Variants in ARHGAP4 observed in about 807,000 individuals in gnomAD.
The protein encoded by ARHGAP4 is rho GTPase-activating protein 4.
A neutral mutation model predicts 67.6 loss-of-function variants in ARHGAP4; 25 were observed. The observed-to-expected ratio is 0.37, with a 90% CI of 0.27 to 0.52. The LOEUF is 0.52. ARHGAP4 is among the 20% of genes least tolerant of loss of function. The pLI is 0.92. For missense variants in ARHGAP4, 804 were observed against 854.6 expected, an observed-to-expected ratio of 0.94 and a Z score of 0.74; for synonymous variants, 448 against 373.7, an observed-to-expected ratio of 1.20 and a Z score of -2.29.
chrX:153,914,688 C>T (rs1469900873), intron 7 of ARHGAP4, among the ~76,000 whole-genome samples: 1 of 111,673 alleles, frequency 9.0e-6, no homozygotes, highest in Non-Finnish European at 1.9e-5. Context: ...CAGAGCGAGA[C>T]GCCATCTCAA....
At chrX:153,919,495 G>A (rs782196271) in intron 5 of ARHGAP4, 49 of 1,125,254 alleles carry the variant, frequency 4.4e-5, no homozygotes, top group African/African-American at 5.4e-5. Flanking sequence ...CTGTTCACCC[G>A]CCACTTGCCT....
rs1557103777 is a variant in ARHGAP4 at position 153,913,501 on chromosome X, C to T, written c.1234G>A (p.Glu412Lys). ...TCTGAGCTGGTGGACTTGAGGGACT[C>T]GGTGGAGGGGCTGGTCTGGAAGGAA... ...LDSFQTSPSTESLKSTSSDPG... is the reference protein window; with the variant it reads ...LDSFQTSPSTKSLKSTSSDPG... The change falls in exon 9 of 22, where the codon GAG (glutamate) becomes AAG (lysine). Residue 412 changes from glutamate to lysine, a missense_variant. Physicochemically the swap from Glu to Lys is moderately conservative, Grantham distance 56 (BLOSUM62 1). Around this residue, in one of 2 missense-constraint regions of ARHGAP4, gnomAD observed 404 missense variants for 505.9 expected, o/e 0.80. Transcript: ENST00000350060. 8.3e-7 allele frequency: 1 copy of T among 1,211,920 alleles called. No homozygotes were observed. The highest frequency in any genetic ancestry group is 1.1e-6 in the Non-Finnish European group (1 of 895,539).
At chrX:153,922,762 C>G (rs185110399) in intron 1 of ARHGAP4, among the ~76,000 whole-genome samples, 1 of 112,317 alleles carries the variant, frequency 8.9e-6, no homozygotes, top group East Asian at 2.8e-4. Context: ...TGTCTTCATT[C>G]AGCAGAATGT....
intron 17 of ARHGAP4, 33 bp from the exon 18 acceptor site, chrX:153,910,118 G>A (rs782594951): frequency 3.4e-5 from 41 of 1,209,106 alleles, no homozygotes; most frequent in Non-Finnish European, 4.4e-5. Context: ...GCAGATGAGG[G>A]GGGCTCTTCT....
chrX:153,921,937 C>T lies in ARHGAP4; in HGVS notation c.68-128G>A, dbSNP rs782581976. The T allele has an allele frequency of 6.7e-6, 6 of 893,452 alleles. No individual in the cohort carries two copies. The African/African-American group carries it at 1.2e-4, about 18-fold the overall frequency. The allele number at this position is 893,452 out of a possible 1,213,427, so 73.6% of individuals were successfully genotyped here. On this transcript the variant is annotated intron_variant, in intron 1 of 21. Coordinates refer to ENST00000350060, the MANE Select transcript of ARHGAP4 (RefSeq NM_001666.5). ...TCGGCTCTGAGGGCTCCTTCGGACCCAGCCTAGGCTGAGGGCAAGAGCTAA... is the reference window on the plus strand; with the variant it reads ...TCGGCTCTGAGGGCTCCTTCGGACCTAGCCTAGGCTGAGGGCAAGAGCTAA...
chrX:153,910,647 C>A (rs782759741), intron 15 of ARHGAP4, 36 bp from the exon 16 acceptor site: 70 of 1,181,499 alleles, frequency 5.9e-5, no homozygotes, highest in Non-Finnish European at 7.8e-5. Context: ...GCCGCGTGAG[C>A]GGGGCTGCCC....
intron 20 of ARHGAP4, 109 bp downstream of exon 20, chrX:153,909,334 G>T: frequency 1.1e-6 from 1 of 891,986 alleles, no homozygotes; most frequent in Non-Finnish European, 1.5e-6. Context: ...ATTCTGTCAC[G>T]TCCTCATCTG....
rs782666604 is a variant in ARHGAP4 at position 153,907,632 on chromosome X, C to A, written c.*97G>T. On this transcript the variant is annotated 3_prime_UTR_variant, in exon 22 of 22. Coordinates refer to ENST00000350060, the MANE Select transcript of ARHGAP4 (RefSeq NM_001666.5). ...CACAGGGTGAAGTGCAGGCACCCTG[C>A]ACTTGCTGGACAGGGCTGGAGAGAA... 1.7e-5 allele frequency: 7 copies of A among 402,151 alleles called. No homozygotes were observed. Among genetic ancestry groups the A allele is most frequent in the Non-Finnish European group, 1.6e-5 (4 of 249,768 alleles). The allele number at this position is 402,151 out of a possible 1,213,427, so 33.1% of individuals were successfully genotyped here. A position where few individuals can be genotyped will look rare whatever the true frequency, so the allele number is the denominator to read the frequency against.
chrX:153,909,635 T>C, intron 19 of ARHGAP4, 100 bp from the exon 20 acceptor site: 3 of 1,091,841 alleles, frequency 2.7e-6, no homozygotes, highest in Non-Finnish European at 2.4e-6. Flanking sequence ...AGAGGCTCTG[T>C]TCTCTGGCCC....
intron 5 of ARHGAP4, 163 bp from the exon 6 acceptor site, chrX:153,919,446 G>A (rs2065077201): frequency 1.8e-6 from 2 of 1,122,212 alleles, no homozygotes; most frequent in South Asian, 2.1e-5. Context: ...AGTCCACAGT[G>A]TGCTCAGCCC....
chrX:153,907,968 G>A lies in ARHGAP4; in HGVS notation c.2608-6C>T, dbSNP rs139401482. ...TCCATGTTCTGTGCCACAGCCTAGC[G>A]GAGGGGAAAGAAAGGGAGAGTGACC... On this transcript the variant is annotated splice_polypyrimidine_tract_variant and splice_region_variant and intron_variant, in intron 21 of 21. Coordinates refer to ENST00000350060, the MANE Select transcript of ARHGAP4 (RefSeq NM_001666.5). 46,193 of 1,135,169 alleles carry A rather than the reference G, an allele frequency of 0.041. 771 individuals carry two copies. The highest frequency in any genetic ancestry group is 0.047 in the Non-Finnish European group (39,950 of 858,383). 93.6% of individuals were successfully genotyped at this position (1,135,169 alleles called of 1,213,427 possible).
At chrX:153,912,321 C>T (rs2065026960) in intron 12 of ARHGAP4, among the ~76,000 whole-genome samples, 1 of 111,520 alleles carries the variant, frequency 9.0e-6, no homozygotes, top group African/African-American at 3.3e-5. Flanking sequence ...CGTGCCTGGC[C>T]CCCTCTGATG....
At chrX:153,925,747 A>C (rs1197900385) in intron 1 of ARHGAP4, among the ~76,000 whole-genome samples, 2 of 110,685 alleles carry the variant, frequency 1.8e-5, no homozygotes, top group Non-Finnish European at 3.8e-5. Context: ...ACTCACCCGG[A>C]CTCCCTTACT....
Position 153,909,727 on chromosome X carries a change from C to T in ARHGAP4, c.2414+14G>A, listed in dbSNP as rs1557102302. ...CTCCGGGAGCCCTGGGGCCTGAGGG[C>T]GCGGCTCACTCACCCGGCGGGCAGC... On this transcript the variant is annotated intron_variant, in intron 19 of 21. Coordinates refer to ENST00000350060, the MANE Select transcript of ARHGAP4 (RefSeq NM_001666.5). 29 of 1,175,738 alleles carry T rather than the reference C, an allele frequency of 2.5e-5. No homozygotes were observed. Among genetic ancestry groups the T allele is most frequent in the Middle Eastern group, 2.9e-4 (1 of 3,460 alleles).
At chrX:153,913,694 G>A (rs1292303871) in intron 8 of ARHGAP4, 84 bp downstream of exon 8, 32 of 1,151,094 alleles carry the variant, frequency 2.8e-5, no homozygotes, top group Admixed American at 1.6e-4. Flanking sequence ...AGGGAGGGGG[G>A]CAGGCAGGGC....
At chrX:153,913,707 C>T in intron 8 of ARHGAP4, 71 bp downstream of exon 8, 1 of 1,168,097 alleles carries the variant, frequency 8.6e-7, no homozygotes, top group Non-Finnish European at 1.2e-6. Flanking sequence ...GGCAGGGCAG[C>T]CACTTCCAAC....
At chrX:153,921,999 C>G in intron 1 of ARHGAP4, 190 bp from the exon 2 acceptor site, 3 of 829,022 alleles carry the variant, frequency 3.6e-6, no homozygotes, top group African/African-American at 2.1e-5. Flanking sequence ...GCAGGCAGAT[C>G]TGGCCTCAGC....
Position 153,919,282 on chromosome X carries a change from C to A in ARHGAP4, c.683G>T (p.Arg228Leu). Reference protein sequence around the residue: ...LKKGGRLVEKRQAKFMEHKLK... With the variant: ...LKKGGRLVEKLQAKFMEHKLK... Reference sequence around the variant, plus strand: ...TTTGTGCTCCATGAACTTGGCCTGCCGCTACTCAAGACAATGCAAGCGTGC... The same window carrying A: ...TTTGTGCTCCATGAACTTGGCCTGCAGCTACTCAAGACAATGCAAGCGTGC... Residue 228 changes from arginine to leucine, a missense_variant and splice_region_variant, in exon 6 of 22, where the codon CGG becomes CTG. Arg to Leu is a moderately radical substitution (Grantham distance 102). Around this residue, in one of 2 missense-constraint regions of ARHGAP4, gnomAD observed 404 missense variants for 505.9 expected, o/e 0.80. Transcript: ENST00000350060. The A allele has an allele frequency of 8.2e-7, 1 of 1,212,237 alleles. No individual in the cohort carries two copies. Among genetic ancestry groups the A allele is most frequent in the East Asian group, 3.0e-5 (1 of 33,854 alleles).
chrX:153,912,159 T>C (rs1429395801), intron 12 of ARHGAP4, among the ~76,000 whole-genome samples: 1 of 107,349 alleles, frequency 9.3e-6, no homozygotes, highest in African/African-American at 3.4e-5. Flanking sequence ...TTCACTGGGA[T>C]TACAGGCACG....
Sources: gnomAD v4.1 joint callset for allele counts (sites outside exome capture counted in the v4.1 genomes callset) on GRCh38, gnomAD v4.1.1 for gene constraint, gnomAD v4.1.1 regional missense constraint, MANE v1.5 for transcripts, NCBI Gene and HGNC (gene_info 2026-07-23, HGNC 2026-07-21) for gene names.